The following DLGAP2 variants were observed in gnomAD, a reference collection of about 807,000 sequenced individuals.
The protein encoded by DLGAP2 is DLG associated protein 2.
DLGAP2 carries 26 observed loss-of-function variants against 100.3 expected under a neutral mutation model. The ratio of observed to expected loss-of-function variants is 0.26; its 90% CI spans 0.19 to 0.36. The LOEUF (loss-of-function observed/expected upper bound fraction) is 0.36. DLGAP2 is among the 10% of genes least tolerant of loss of function. The pLI is 1.00. For missense variants in DLGAP2, 1,858 were observed against 1,453.2 expected, an observed-to-expected ratio of 1.28 and a Z score of -4.53; for synonymous variants, 886 against 630.1, an observed-to-expected ratio of 1.41 and a Z score of -6.08.
chr8:1,267,623 T>TAAAATAAAATAAAATAAAATA (rs57138660), intron 3 of DLGAP2, among the ~76,000 whole-genome samples: 1 of 76,624 alleles, frequency 1.3e-5, no homozygotes. Context: ...TAAGATAAGA[T>TAAAATAAAATAAAATAAAATA]AAATATTAAA....
At chr8:1,276,386 G>C (rs6996078) in intron 3 of DLGAP2, among the ~76,000 whole-genome samples, 1 of 151,986 alleles carries the variant, frequency 6.6e-6, no homozygotes, top group African/African-American at 2.4e-5. Flanking sequence ...AGATGGAACC[G>C]TTTTGGATCT....
At chr8:1,490,116 T>G (rs1189677593) in intron 3 of DLGAP2, among the ~76,000 whole-genome samples, 1 of 152,140 alleles carries the variant, frequency 6.6e-6, no homozygotes, top group Non-Finnish European at 1.5e-5. Context: ...GGTCTTGAAC[T>G]CCTGACCTTG....
intron 1 of DLGAP2, among the ~76,000 whole-genome samples, chr8:751,656 A>G (rs1250229083): frequency 1.3e-5 from 2 of 151,592 alleles, no homozygotes; most frequent in Non-Finnish European, 1.5e-5. Flanking sequence ...ACTTTATAGT[A>G]AGTCCTTATA....
chr8:1,446,942 T>C (rs2130091792), intron 3 of DLGAP2, among the ~76,000 whole-genome samples: 2 of 152,358 alleles, frequency 1.3e-5, no homozygotes, highest in East Asian at 3.9e-4. Flanking sequence ...ACATTGATTT[T>C]GTATCCTGAG....
chr8:1,199,955 G>T (rs1053090108), intron 2 of DLGAP2, among the ~76,000 whole-genome samples: 1 of 145,442 alleles, frequency 6.9e-6, no homozygotes, highest in African/African-American at 2.5e-5. Context: ...ACAACCCCCC[G>T]CAGAGGCCGG....
intron 2 of DLGAP2, among the ~76,000 whole-genome samples, chr8:1,227,849 T>C (rs945356313): frequency 1.1e-4 from 16 of 152,312 alleles, no homozygotes; most frequent in South Asian, 4.2e-4. Flanking sequence ...TTATAGCTAA[T>C]AAAATTGAAC....
intron 2 of DLGAP2, among the ~76,000 whole-genome samples, chr8:1,042,862 T>G (rs1288978642): frequency 1.9e-5 from 1 of 53,128 alleles, no homozygotes; most frequent in Non-Finnish European, 3.6e-5. Flanking sequence ...TGGATGTGGG[T>G]GGTGGGTGTG....
intron 8 of DLGAP2, among the ~76,000 whole-genome samples, chr8:1,651,026 G>C (rs1387037074): frequency 1.3e-5 from 2 of 152,128 alleles, no homozygotes; most frequent in Non-Finnish European, 2.9e-5. Context: ...CCCCTGCTCA[G>C]CGGAATTTTG....
At chr8:1,602,803 G>A (rs779578510) in intron 6 of DLGAP2, among the ~76,000 whole-genome samples, 5 of 152,254 alleles carry the variant, frequency 3.3e-5, no homozygotes, top group Admixed American at 2.0e-4. Context: ...GGCAGTGACA[G>A]CTCTCATGCT....
rs960580632 is a variant in DLGAP2, at chr8:1,490,623, C to T, written c.107-10743C>T. 8.5e-5 allele frequency among the ~76,000 whole-genome samples: 13 copies of T among 152,234 alleles called. 1 individual carries two copies. The highest frequency in any genetic ancestry group is 4.2e-4 in the South Asian group (2 of 4,818). On this transcript the variant is annotated intron_variant, in intron 3 of 14. Transcript: ENST00000637795. Reference sequence around the variant, plus strand: ...TCAGTAGGTAAAGGTGAAATGGGCCCTCGGTTAATCACTTTTGTTCTTCCT... The same window carrying T: ...TCAGTAGGTAAAGGTGAAATGGGCCTTCGGTTAATCACTTTTGTTCTTCCT...
At chr8:850,340 C>G (rs999638481) in intron 1 of DLGAP2, among the ~76,000 whole-genome samples, 1 of 152,106 alleles carries the variant, frequency 6.6e-6, no homozygotes, top group African/African-American at 2.4e-5. Flanking sequence ...CCTGTTGCTA[C>G]AAGTTAAAAG....
chr8:1,531,147 C>G (rs1051978109), intron 4 of DLGAP2, among the ~76,000 whole-genome samples: 1 of 151,916 alleles, frequency 6.6e-6, no homozygotes, highest in African/African-American at 2.4e-5. Flanking sequence ...ATTTTTGAAG[C>G]AACTTAAGTT....
At chr8:974,517 A>G (rs921112634) in intron 2 of DLGAP2, among the ~76,000 whole-genome samples, 2 of 152,230 alleles carry the variant, frequency 1.3e-5, no homozygotes, top group African/African-American at 4.8e-5. Context: ...ACACCTTAAA[A>G]ATTTAAAAGA....
At chr8:1,110,398 G>T (rs1804915089) in intron 2 of DLGAP2, among the ~76,000 whole-genome samples, 1 of 149,734 alleles carries the variant, frequency 6.7e-6, no homozygotes. Flanking sequence ...TGCTGGATCT[G>T]TGAGGTGTGC....
At chr8:1,167,739 A>G (rs13260791) in intron 2 of DLGAP2, among the ~76,000 whole-genome samples, 113,654 of 152,042 alleles carry the variant, frequency 0.75, 43,682 homozygotes, top group Non-Finnish European at 0.84. Context: ...ATCAGCATCC[A>G]TTCAGTTGAC....
chr8:1,251,412 T>C (rs1799037718), intron 2 of DLGAP2, among the ~76,000 whole-genome samples: 1 of 152,212 alleles, frequency 6.6e-6, no homozygotes, highest in African/African-American at 2.4e-5. Context: ...TTTGAGCAGA[T>C]AAGATTCCAT....
intron 3 of DLGAP2, among the ~76,000 whole-genome samples, chr8:1,374,454 G>T (rs1303047793): frequency 6.6e-6 from 1 of 152,156 alleles, no homozygotes; most frequent in African/African-American, 2.4e-5. Context: ...GGATGATTGC[G>T]CAAAAGGTCA....
At chr8:1,562,483 G>A (rs1207995747) in intron 5 of DLGAP2, among the ~76,000 whole-genome samples, 3 of 46,846 alleles carry the variant, frequency 6.4e-5, no homozygotes, top group Non-Finnish European at 8.0e-5. Flanking sequence ...GGGTGTCGGC[G>A]CCTCGTTACT....
At chr8:778,630 G>A (rs1252644389) in intron 1 of DLGAP2, among the ~76,000 whole-genome samples, 1 of 152,198 alleles carries the variant, frequency 6.6e-6, no homozygotes, top group Non-Finnish European at 1.5e-5. Context: ...CCTGTTGGGG[G>A]GTGCCTCCCA....
Sources: allele counts gnomAD v4.1 joint callset (sites outside exome capture counted in the v4.1 genomes callset), GRCh38; gene constraint gnomAD v4.1.1; transcripts MANE v1.5; gene names NCBI Gene and HGNC (gene_info 2026-07-23, HGNC 2026-07-21).